NEBL: variants seen among roughly 807,000 people sequenced by gnomAD.
NEBL encodes the protein nebulette.
In NEBL, 122 loss-of-function variants were observed where a neutral mutation model predicts 140.2. The ratio of observed to expected loss-of-function variants is 0.87; its 90% CI spans 0.75 to 1.01. The LOEUF (loss-of-function observed/expected upper bound fraction) is 1.01. Among genes scored for constraint, NEBL ranks in the 50% least tolerant of loss-of-function variants. The pLI, the probability that NEBL is intolerant of heterozygous loss-of-function variation, is 0.00. For missense variants in NEBL, 1,365 were observed against 1,231.3 expected (o/e 1.11, Z -1.62); for synonymous variants, 436 against 398.9 (o/e 1.09, Z -1.11).
At chr10:20,793,637 T>C (rs1836223303) in intron 26 of NEBL, among the ~76,000 whole-genome samples, 1 of 151,336 alleles carries the variant, frequency 6.6e-6, no homozygotes, top group South Asian at 2.1e-4. Context: ...CACCGCAGCC[T>C]CCATCTCCCA....
intron 1 of NEBL, among the ~76,000 whole-genome samples, chr10:21,283,761 C>A (rs1843020822): frequency 6.6e-6 from 1 of 152,054 alleles, no homozygotes; most frequent in African/African-American, 2.4e-5. Flanking sequence ...TTAAGAAAAT[C>A]TTTTGGGTTT....
chr10:21,010,802 GT>G (rs1838309419), intron 3 of NEBL, among the ~76,000 whole-genome samples: 2 of 152,212 alleles, frequency 1.3e-5, no homozygotes. Flanking sequence ...TAAATGATGA[GT>G]TGCTATCAGT....
At chr10:21,096,024 C>T (rs984462439) in intron 2 of NEBL, among the ~76,000 whole-genome samples, 7 of 152,206 alleles carry the variant, frequency 4.6e-5, no homozygotes, top group Non-Finnish European at 1.0e-4. Flanking sequence ...TGTAACATTA[C>T]ACACAATAGT....
chr10:21,173,954 C>A lies in NEBL; in HGVS notation c.-121G>T, dbSNP rs1215611780. 2 of 1,375,950 alleles carry A rather than the reference C, an allele frequency of 1.5e-6. No individual in the cohort carries two copies. The highest frequency in any genetic ancestry group is 6.1e-5 in the East Asian group (2 of 32,836). 85.2% of individuals were successfully genotyped at this position (1,375,950 alleles called of 1,614,324 possible). On this transcript the variant is annotated 5_prime_UTR_variant, in exon 1 of 7. Coordinates refer to the NEBL transcript ENST00000417816. The surrounding 1 kb of genome is among the most constrained non-coding windows in gnomAD (Gnocchi z 5.7). ...CGGGAGGGCTGCGGGCGGCGGGCGC[C>A]GGGTAGGGAGTCGGCGCCGGGCCAC...
intron 2 of NEBL, among the ~76,000 whole-genome samples, chr10:21,123,771 C>T (rs1048575904): frequency 2.7e-5 from 4 of 150,386 alleles, no homozygotes; most frequent in Non-Finnish European, 4.4e-5. Context: ...ATAAAATCTT[C>T]AACATATATA....
chr10:21,103,570 T>C (rs1184401408), intron 2 of NEBL, among the ~76,000 whole-genome samples: 2 of 152,078 alleles, frequency 1.3e-5, no homozygotes, highest in Non-Finnish European at 2.9e-5. Flanking sequence ...ACAAAAGTGG[T>C]TTTACTTTGT....
intron 4 of NEBL, among the ~76,000 whole-genome samples, chr10:20,885,174 A>G (rs1846394308): frequency 1.3e-5 from 2 of 152,324 alleles, no homozygotes; most frequent in African/African-American, 4.8e-5. Context: ...GACATCACAA[A>G]TCTGATACTA....
chr10:21,216,860 T>C (rs2132241082), intron 3 of NEBL, among the ~76,000 whole-genome samples: 1 of 150,680 alleles, frequency 6.6e-6, no homozygotes, highest in South Asian at 2.1e-4. Flanking sequence ...TGGTGGCACG[T>C]GCCTGTAATC....
chr10:20,907,993 C>G (rs539365535), intron 4 of NEBL, among the ~76,000 whole-genome samples: 1 of 152,258 alleles, frequency 6.6e-6, no homozygotes, highest in Admixed American at 6.5e-5. Flanking sequence ...AAGAGGAACT[C>G]CATATAAAAA....
chr10:21,242,592 C>A (rs902978641), intron 3 of NEBL, among the ~76,000 whole-genome samples: 1 of 152,054 alleles, frequency 6.6e-6, no homozygotes, highest in Admixed American at 6.6e-5. Flanking sequence ...TGCACATGTA[C>A]CCTGAGCCTA....
At chr10:21,290,506 C>T (rs1474447649) in intron 1 of NEBL, among the ~76,000 whole-genome samples, 1 of 152,114 alleles carries the variant, frequency 6.6e-6, no homozygotes, top group African/African-American at 2.4e-5. Context: ...TCTTAATAGC[C>T]CCTTCCTAGG....
Position 20,897,105 on chromosome 10 carries a change from G to A in NEBL, c.81+20C>T, listed in dbSNP as rs754604084. The A allele has an allele frequency of 1.3e-6, 2 of 1,588,044 alleles. No individual in the cohort carries two copies. Among genetic ancestry groups the A allele is most frequent in the Non-Finnish European group, 1.7e-6 (2 of 1,156,376 alleles). On this transcript the variant is annotated intron_variant, in intron 1 of 27. Transcript: ENST00000377122. The stretch of plus-strand genomic sequence containing the variant: ...TTTAGAGGAACAAACGCTGGTCTGA[G>A]TATGTGTTTTCTCACTCACCTGGTC...
intron 2 of NEBL, among the ~76,000 whole-genome samples, chr10:21,038,567 T>C (rs1251521556): frequency 1.3e-5 from 2 of 152,256 alleles, no homozygotes; most frequent in African/African-American, 2.4e-5. Flanking sequence ...CTGCATAATA[T>C]TCCATGGTGC....
chr10:20,922,651 G>T (rs750230116), intron 4 of NEBL, among the ~76,000 whole-genome samples: 2 of 152,216 alleles, frequency 1.3e-5, no homozygotes, highest in Non-Finnish European at 2.9e-5. Context: ...CGCAATGTAG[G>T]ATAACTTATA....
At chr10:20,843,708 A>T (rs1841600822) in intron 12 of NEBL, among the ~76,000 whole-genome samples, 1 of 152,112 alleles carries the variant, frequency 6.6e-6, no homozygotes, top group African/African-American at 2.4e-5. Context: ...TAGTTGACAC[A>T]TAATTGTACA....
intron 26 of NEBL, chr10:20,804,683 C>T (rs2130734008): frequency 6.6e-6 from 1 of 152,164 alleles, no homozygotes; most frequent in African/African-American, 2.4e-5. Context: ...GGGAAGCATT[C>T]TTGGAAAGTT....
At chr10:20,837,458 A>C (rs1192584915) in intron 13 of NEBL, among the ~76,000 whole-genome samples, 1 of 152,156 alleles carries the variant, frequency 6.6e-6, no homozygotes, top group African/African-American at 2.4e-5. Flanking sequence ...TGCACAAGAA[A>C]AGTTGGAAAC....
At chr10:21,013,300 A>G (rs1354721013) in intron 3 of NEBL, among the ~76,000 whole-genome samples, 1 of 152,194 alleles carries the variant, frequency 6.6e-6, no homozygotes, top group Non-Finnish European at 1.5e-5. Flanking sequence ...CAAAACCTTG[A>G]AAATAAACAT....
chr10:20,967,393 C>T (rs557001336), intron 3 of NEBL, among the ~76,000 whole-genome samples: 7 of 152,186 alleles, frequency 4.6e-5, no homozygotes, highest in South Asian at 2.1e-4. Context: ...TTTGGGAGGC[C>T]GGGGCAGGTG....
Sources: gnomAD v4.1 joint callset for allele counts (sites outside exome capture counted in the v4.1 genomes callset) on GRCh38, gnomAD v4.1.1 for gene constraint, Gnocchi (gnomAD v3.1) non-coding constraint, MANE v1.5 for transcripts, NCBI Gene and HGNC (gene_info 2026-07-23, HGNC 2026-07-21) for gene names.